The following NXPE2 variants were observed in gnomAD, a reference collection of about 807,000 sequenced individuals.
The protein encoded by NXPE2 is neurexophilin and PC-esterase domain family member 2, also known as NXPE family member 2.
Under a neutral mutation model 34.4 loss-of-function variants are expected in NXPE2, and 34 were observed. The ratio of observed to expected loss-of-function variants is 0.99; its 90% CI spans 0.75 to 1.31. The LOEUF (loss-of-function observed/expected upper bound fraction) is 1.31. NXPE2 is among the 40% of genes most tolerant of loss of function. The pLI, the probability that NXPE2 is intolerant of heterozygous loss-of-function variation, is 0.00. For missense variants in NXPE2, 649 were observed against 672.5 expected (o/e 0.97, Z 0.39); for synonymous variants, 235 against 231.3 (o/e 1.02, Z -0.15).
the NXPE2 span, among the ~76,000 whole-genome samples, chr11:114,721,769 GATAA>G: frequency 6.6e-6 from 1 of 151,942 alleles, no homozygotes; most frequent in Non-Finnish European, 1.5e-5. Context: ...AGAGAGAGAA[GATAA>G]ATAATCTGTC....
At chr11:114,541,140 G>C in the NXPE2 span, among the ~76,000 whole-genome samples, 1 of 152,136 alleles carries the variant, frequency 6.6e-6, no homozygotes, top group South Asian at 2.1e-4. Flanking sequence ...CAAGTTAATC[G>C]ATTGCCTGCC....
chr11:114,623,676 T>C, the NXPE2 span, among the ~76,000 whole-genome samples: 1 of 152,102 alleles, frequency 6.6e-6, no homozygotes, highest in Admixed American at 6.5e-5. Context: ...ATGTGGATAA[T>C]AAGCATTGCC....
the NXPE2 span, chr11:114,571,133 C>T: frequency 6.2e-7 from 1 of 1,613,888 alleles, no homozygotes; most frequent in Admixed American, 1.7e-5. Flanking sequence ...CATCATTGTA[C>T]ATCTCCCTGA....
the NXPE2 span, among the ~76,000 whole-genome samples, chr11:114,725,594 G>A: frequency 2.7e-4 from 41 of 151,878 alleles, no homozygotes; most frequent in East Asian, 5.6e-3. Context: ...TAATAATGGC[G>A]TAGCCCCACA....
the NXPE2 span, among the ~76,000 whole-genome samples, chr11:114,784,166 T>G: frequency 2.0e-5 from 3 of 152,158 alleles, no homozygotes. Flanking sequence ...TGTAGATAGG[T>G]TCTCTCAGCT....
At chr11:114,527,961 A>G in the NXPE2 span, 8 of 1,305,962 alleles carry the variant, frequency 6.1e-6, no homozygotes, top group Non-Finnish European at 7.5e-6. Flanking sequence ...ACACAGGTGA[A>G]TCATCTGCTT....
chr11:114,614,993 C>T, the NXPE2 span, among the ~76,000 whole-genome samples: 816 of 150,136 alleles, frequency 5.4e-3, 3 homozygotes, highest in Non-Finnish European at 7.6e-3. Context: ...ACCACTGTTA[C>T]CCGGTTTATA....
chr11:114,729,185 TG>T, the NXPE2 span, among the ~76,000 whole-genome samples: 1 of 152,184 alleles, frequency 6.6e-6, no homozygotes, highest in East Asian at 1.9e-4. Context: ...TTTCTGTTCC[TG>T]CGTTCAGTTG....
the NXPE2 span, among the ~76,000 whole-genome samples, chr11:114,769,811 C>T: frequency 2.0e-5 from 3 of 151,946 alleles, no homozygotes; most frequent in East Asian, 1.9e-4. Flanking sequence ...TGGGGCCTGT[C>T]GGGTTGGGGG....
the NXPE2 span, among the ~76,000 whole-genome samples, chr11:114,654,245 G>A: frequency 6.6e-6 from 1 of 151,860 alleles, no homozygotes; most frequent in African/African-American, 2.4e-5. Context: ...AGCCCCTCAG[G>A]AGCTTTGAAT....
At chr11:114,523,678 G>C in the NXPE2 span, among the ~76,000 whole-genome samples, 1 of 152,174 alleles carries the variant, frequency 6.6e-6, no homozygotes, top group African/African-American at 2.4e-5. Context: ...TTTCACTAGA[G>C]TTTCAGGCTC....
chr11:114,603,983 T>C, the NXPE2 span, among the ~76,000 whole-genome samples: 4 of 151,536 alleles, frequency 2.6e-5, no homozygotes, highest in Non-Finnish European at 4.4e-5. Context: ...TGGTGGATAA[T>C]AAGTATTGCC....
downstream of NXPE2, among the ~76,000 whole-genome samples, chr11:114,708,950 A>ATCACTCTACAAC (rs1859556787): frequency 6.6e-6 from 1 of 152,190 alleles, no homozygotes; most frequent in Non-Finnish European, 1.5e-5. Flanking sequence ...GTTTGTCTAT[A>ATCACTCTACAAC]TCACTCTACA....
chr11:114,744,388 C>G, the NXPE2 span, among the ~76,000 whole-genome samples: 1 of 152,126 alleles, frequency 6.6e-6, no homozygotes, highest in African/African-American at 2.4e-5. Flanking sequence ...CTATGGTTTA[C>G]TATAATATCT....
the NXPE2 span, among the ~76,000 whole-genome samples, chr11:114,571,943 A>T: frequency 1.3e-5 from 2 of 152,206 alleles, no homozygotes; most frequent in Non-Finnish European, 2.9e-5. Flanking sequence ...AGGCCAACGA[A>T]CACAAAACCA....
the NXPE2 span, among the ~76,000 whole-genome samples, chr11:114,512,124 T>C: frequency 6.6e-6 from 1 of 152,168 alleles, no homozygotes; most frequent in Non-Finnish European, 1.5e-5. Context: ...ATGCTATAGT[T>C]AGCTCAATTT....
chr11:114,581,075 A>G, the NXPE2 span, among the ~76,000 whole-genome samples: 3 of 152,214 alleles, frequency 2.0e-5, no homozygotes, highest in South Asian at 4.1e-4. Flanking sequence ...ACTTCAGTGT[A>G]AATAGGTTTA....
the NXPE2 span, among the ~76,000 whole-genome samples, chr11:114,487,279 A>T: frequency 6.6e-6 from 1 of 151,930 alleles, no homozygotes; most frequent in African/African-American, 2.4e-5. Context: ...TACTTCCTTG[A>T]TTTCTTTTTC....
At chr11:114,802,888 A>G in the NXPE2 span, among the ~76,000 whole-genome samples, 1 of 120,554 alleles carries the variant, frequency 8.3e-6, no homozygotes, top group Non-Finnish European at 1.9e-5. Context: ...GAGTCATGGA[A>G]ATAAAAAAGA....
Sources: gnomAD v4.1 joint callset for allele counts (sites outside exome capture counted in the v4.1 genomes callset) on GRCh38, gnomAD v4.1.1 for gene constraint, MANE v1.5 for transcripts, NCBI Gene and HGNC (gene_info 2026-07-23, HGNC 2026-07-21) for gene names.